The following DCC variants were observed in gnomAD, a reference collection of about 807,000 sequenced individuals.
The protein encoded by DCC is DCC netrin 1 receptor, also known as netrin receptor DCC.
A neutral mutation model predicts 172.5 loss-of-function variants in DCC; 58 were observed. The ratio of observed to expected loss-of-function variants is 0.34; its 90% CI spans 0.27 to 0.42. The LOEUF (loss-of-function observed/expected upper bound fraction) is 0.42. Ranked by LOEUF, DCC falls within the 10% of genes least tolerant of loss-of-function variation. DCC has a pLI of 1.00. For missense variants in DCC, 1,740 were observed against 1,791.0 expected, an observed-to-expected ratio of 0.97 and a Z score of 0.51; for synonymous variants, 709 against 644.5, an observed-to-expected ratio of 1.10 and a Z score of -1.52.
chr18:52,532,929 T>C (rs1374391799), intron 1 of DCC, among the ~76,000 whole-genome samples: 1 of 152,090 alleles, frequency 6.6e-6, no homozygotes, highest in Non-Finnish European at 1.5e-5. Context: ...ACCATACCTA[T>C]TAGTAGTCAG....
chr18:53,334,523 T>C (rs2057570151), intron 14 of DCC, among the ~76,000 whole-genome samples: 1 of 152,166 alleles, frequency 6.6e-6, no homozygotes, highest in South Asian at 2.1e-4. Context: ...ACCACCCATC[T>C]CCAGAACTCT....
rs1461085557 is a variant in DCC at position 53,403,755 on chromosome 18, A to G, written c.2935+862A>G. ...GGATAGCACTATTATAAATTAACAAAGTAATTCAGCCGTCCCGTGATACAG... is the reference window on the plus strand; with the variant it reads ...GGATAGCACTATTATAAATTAACAAGGTAATTCAGCCGTCCCGTGATACAG... On this transcript the variant is annotated intron_variant, in intron 19 of 28. Transcript: ENST00000442544. Among the ~76,000 whole-genome samples, 9 of 152,330 alleles carry G rather than the reference A, an allele frequency of 5.9e-5. 1 individual carries two copies. The highest frequency in any genetic ancestry group is 5.9e-4 in the Admixed American group (9 of 15,304).
At chr18:53,526,025 G>T (rs947520476) in intron 27 of DCC, among the ~76,000 whole-genome samples, 1 of 152,058 alleles carries the variant, frequency 6.6e-6, no homozygotes, top group African/African-American at 2.4e-5. Context: ...TGCCTCTTAT[G>T]ATTTTCATGA....
chr18:52,932,219 C>T (rs925727199), intron 5 of DCC, among the ~76,000 whole-genome samples: 2 of 152,062 alleles, frequency 1.3e-5, no homozygotes, highest in Non-Finnish European at 2.9e-5. Context: ...TCAATACGTC[C>T]AGCTTTCTGG....
chr18:53,241,840 G>A (rs1227227181), intron 12 of DCC, among the ~76,000 whole-genome samples: 2 of 152,104 alleles, frequency 1.3e-5, no homozygotes, highest in East Asian at 3.9e-4. Context: ...ACCATGGCCA[G>A]GTCTGGAAAA....
intron 1 of DCC, among the ~76,000 whole-genome samples, chr18:52,574,413 T>C (rs2033365218): frequency 6.6e-6 from 1 of 152,198 alleles, no homozygotes; most frequent in Non-Finnish European, 1.5e-5. Flanking sequence ...CCATCAATAA[T>C]AGCAATATCT....
At chr18:52,523,792 C>T (rs1164177015) in intron 1 of DCC, among the ~76,000 whole-genome samples, 1 of 152,154 alleles carries the variant, frequency 6.6e-6, no homozygotes, top group African/African-American at 2.4e-5. Flanking sequence ...CTTACAATTA[C>T]AATTTTTAAA....
At chr18:53,139,156 A>C (rs1477088354) in intron 7 of DCC, among the ~76,000 whole-genome samples, 1 of 152,164 alleles carries the variant, frequency 6.6e-6, no homozygotes, top group Non-Finnish European at 1.5e-5. Context: ...CGATCACTCA[A>C]AACACAGTGA....
chr18:53,473,365 A>G (rs2045721880), intron 25 of DCC, among the ~76,000 whole-genome samples: 2 of 152,226 alleles, frequency 1.3e-5, no homozygotes, highest in South Asian at 4.1e-4. Flanking sequence ...CTGTCGAATG[A>G]AAAAACAAAT....
intron 15 of DCC, among the ~76,000 whole-genome samples, chr18:53,381,244 T>G (rs987705845): frequency 1.9e-5 from 2 of 105,004 alleles, no homozygotes; most frequent in Non-Finnish European, 4.6e-5. Flanking sequence ...AAAAAAGAAA[T>G]AATATACACC....
chr18:52,999,475 A>T (rs1383938317), intron 5 of DCC, among the ~76,000 whole-genome samples: 1 of 152,162 alleles, frequency 6.6e-6, no homozygotes, highest in South Asian at 2.1e-4. Context: ...GCATGGCCAG[A>T]GGAGGCTCAG....
intron 14 of DCC, among the ~76,000 whole-genome samples, chr18:53,335,148 C>A (rs2057577537): frequency 6.6e-6 from 1 of 152,130 alleles, no homozygotes; most frequent in Admixed American, 6.5e-5. Context: ...CCAAACTCAT[C>A]CCTGCAGTAC....
chr18:52,949,038 C>A (rs559142674), intron 5 of DCC, among the ~76,000 whole-genome samples: 1 of 152,306 alleles, frequency 6.6e-6, no homozygotes, highest in African/African-American at 2.4e-5. Flanking sequence ...AATTAATAGT[C>A]ACAGATATCA....
At chr18:53,440,808 C>G (rs1040460904) in intron 22 of DCC, among the ~76,000 whole-genome samples, 4 of 118,424 alleles carry the variant, frequency 3.4e-5, no homozygotes, top group Non-Finnish European at 8.8e-5. Flanking sequence ...TTTAAAAGTC[C>G]TAGTCTAAAC....
intron 5 of DCC, among the ~76,000 whole-genome samples, chr18:53,024,711 C>T (rs1440280777): frequency 6.6e-6 from 1 of 152,058 alleles, no homozygotes; most frequent in Admixed American, 6.6e-5. Context: ...TTCTAATTAC[C>T]AATTCAATTT....
intron 2 of DCC, among the ~76,000 whole-genome samples, chr18:52,786,324 C>T (rs2037659136): frequency 6.6e-6 from 1 of 151,932 alleles, no homozygotes; most frequent in Non-Finnish European, 1.5e-5. Context: ...AGGAAATCAC[C>T]ATTTGATTAC....
rs188444194 is a variant in DCC at position 53,184,308 on chromosome 18, T to C, written c.1573+5192T>C. 8.5e-5 allele frequency among the ~76,000 whole-genome samples: 13 copies of C among 152,234 alleles called. No individual in the cohort carries two copies. The East Asian group carries it at 1.5e-3, about 18-fold the overall frequency. ...GTGCTACATTATCCCGTAAGATGTATCACAGCATTGCCATTTTATAAATAA... is the reference window on the plus strand; with the variant it reads ...GTGCTACATTATCCCGTAAGATGTACCACAGCATTGCCATTTTATAAATAA... On this transcript the variant is annotated intron_variant, in intron 9 of 28. Transcript: ENST00000442544.
chr18:52,556,232 G>A (rs544325998), intron 1 of DCC, among the ~76,000 whole-genome samples: 6 of 152,032 alleles, frequency 3.9e-5, no homozygotes, highest in African/African-American at 9.7e-5. Context: ...AGACTTGTTC[G>A]TAACTTATGA....
chr18:53,162,336 T>C (rs1044659517), intron 8 of DCC, among the ~76,000 whole-genome samples: 1 of 150,374 alleles, frequency 6.7e-6, no homozygotes. Context: ...AAACAAAATA[T>C]ATACTGAGAC....
Sources: gnomAD v4.1 joint callset for allele counts (sites outside exome capture counted in the v4.1 genomes callset) on GRCh38, gnomAD v4.1.1 for gene constraint, MANE v1.5 for transcripts, NCBI Gene and HGNC (gene_info 2026-07-23, HGNC 2026-07-21) for gene names.